GALNT17: variants seen among roughly 807,000 people sequenced by gnomAD.
GALNT17 encodes UDP-GalNAc:polypeptide N-acetylgalactosaminyltransferase-like 3.
A neutral mutation model predicts 63.7 loss-of-function variants in GALNT17; 29 were observed. The observed-to-expected ratio is 0.46, with a 90% CI of 0.34 to 0.62. The LOEUF (loss-of-function observed/expected upper bound fraction) is 0.62, where lower values mean the gene tolerates loss of function less well. GALNT17 is among the 20% of genes least tolerant of loss of function. The probability of loss-of-function intolerance (pLI) is 0.01; values close to 1 mark genes in which losing one functional copy is unlikely to be tolerated. For synonymous variants in GALNT17, 305 were observed against 318.3 expected (o/e 0.96, Z 0.45); for missense variants, 603 against 799.6 (o/e 0.75, Z 2.97).
intron 1 of GALNT17, among the ~76,000 whole-genome samples, chr7:71,265,118 ATTTT>A (rs60738546): frequency 1.6e-4 from 6 of 37,454 alleles, no homozygotes; most frequent in African/African-American, 3.4e-4. Context: ...ATATATATAT[ATTTT>A]TTTTTTTTTT....
chr7:71,446,086 A>C (rs1269206897), intron 5 of GALNT17, among the ~76,000 whole-genome samples: 1 of 152,212 alleles, frequency 6.6e-6, no homozygotes. Flanking sequence ...GCTGGCAGCC[A>C]TGAAATTAGA....
At chr7:71,572,132 C>T (rs1212963268) in intron 6 of GALNT17, among the ~76,000 whole-genome samples, 1 of 151,622 alleles carries the variant, frequency 6.6e-6, no homozygotes, top group African/African-American at 2.4e-5. Context: ...ATCCCAGTGA[C>T]TTGGGAAGCC....
chr7:71,134,407 G>A (rs1787743983), intron 1 of GALNT17, among the ~76,000 whole-genome samples: 1 of 152,220 alleles, frequency 6.6e-6, no homozygotes, highest in African/African-American at 2.4e-5. Flanking sequence ...CAGGGAGAAG[G>A]AGGATGGCAA....
At chr7:71,373,616 CAGAT>C (rs56979905) in intron 2 of GALNT17, among the ~76,000 whole-genome samples, 2,895 of 152,256 alleles carry the variant, frequency 0.019, 102 homozygotes, top group African/African-American at 0.065. Context: ...TGGCTCCTGT[CAGAT>C]CAGCGGCAGC....
At chr7:71,539,097 A>G (rs138319702) in intron 5 of GALNT17, among the ~76,000 whole-genome samples, 9 of 152,124 alleles carry the variant, frequency 5.9e-5, no homozygotes, top group Non-Finnish European at 1.2e-4. Context: ...TGCTCAACTA[A>G]TTTTTGTATT....
chr7:71,174,295 G>A (rs2116293936), intron 1 of GALNT17, among the ~76,000 whole-genome samples: 1 of 152,278 alleles, frequency 6.6e-6, no homozygotes, highest in East Asian at 1.9e-4. Context: ...AGAAGCCGGG[G>A]GGAGTTCCTC....
At chr7:71,476,175 C>T (rs941757461) in intron 5 of GALNT17, among the ~76,000 whole-genome samples, 2 of 152,144 alleles carry the variant, frequency 1.3e-5, no homozygotes, top group Non-Finnish European at 1.5e-5. Context: ...TGGGAACACC[C>T]AGGAGTTCAA....
intron 1 of GALNT17, among the ~76,000 whole-genome samples, chr7:71,165,722 G>A (rs1273305096): frequency 1.3e-5 from 2 of 152,158 alleles, no homozygotes; most frequent in African/African-American, 2.4e-5. Flanking sequence ...ATTTTCCTTT[G>A]TATTGCAAAT....
chr7:71,622,027 C>T lies in GALNT17; in HGVS notation c.1081-43384C>T, dbSNP rs532514968. Among the ~76,000 whole-genome samples the T allele has an allele frequency of 2.0e-5, 3 of 152,298 alleles. No individual in the cohort carries two copies. In the East Asian group the frequency reaches 5.8e-4, roughly 29 times the overall value. On this transcript the variant is annotated intron_variant, in intron 6 of 10. Transcript: ENST00000333538. ...CCAGTAAACCTTACACCATAATCTA[C>T]CCAACTCCTTTGCTGTGAGAGACTT... is the stretch of plus-strand genomic sequence containing the variant.
chr7:71,538,469 G>A (rs1163188657), intron 5 of GALNT17, among the ~76,000 whole-genome samples: 2 of 152,142 alleles, frequency 1.3e-5, no homozygotes, highest in East Asian at 1.9e-4. Flanking sequence ...GACGGGACGC[G>A]ACAGATTACA....
chr7:71,329,642 G>A (rs1791768232), intron 1 of GALNT17, among the ~76,000 whole-genome samples: 1 of 151,982 alleles, frequency 6.6e-6, no homozygotes, highest in Non-Finnish European at 1.5e-5. Context: ...TCTTCACATG[G>A]ACAGAGCCAG....
At chr7:71,133,095 G>A (rs1787716740) in intron 1 of GALNT17, 55 bp downstream of exon 1, 2 of 1,425,250 alleles carry the variant, frequency 1.4e-6, no homozygotes, top group South Asian at 1.4e-5. Context: ...CGGGCACAGG[G>A]TGAGCCCCAG....
intron 8 of GALNT17, 131 bp from the exon 9 acceptor site, chr7:71,677,080 T>C: frequency 1.2e-6 from 1 of 864,934 alleles, no homozygotes; most frequent in Non-Finnish European, 2.0e-6. Flanking sequence ...ATTTGAGCCC[T>C]GGTCCTCACT....
At chr7:71,544,124 CTTTTTTT>C (rs60144462) in intron 5 of GALNT17, among the ~76,000 whole-genome samples, 16 of 132,438 alleles carry the variant, frequency 1.2e-4, no homozygotes, top group South Asian at 5.0e-4. Context: ...TTTCTTTTTT[CTTTTTTT>C]TTTTTTTTTT....
intron 1 of GALNT17, among the ~76,000 whole-genome samples, chr7:71,307,254 A>T (rs1420653859): frequency 6.6e-6 from 1 of 152,136 alleles, no homozygotes; most frequent in Non-Finnish European, 1.5e-5. Flanking sequence ...CATTCCCATC[A>T]GCCGTGCACA....
At chr7:71,211,917 A>G (rs1789384783) in intron 1 of GALNT17, among the ~76,000 whole-genome samples, 1 of 152,232 alleles carries the variant, frequency 6.6e-6, no homozygotes, top group Non-Finnish European at 1.5e-5. Flanking sequence ...TAAGGGAAAC[A>G]GAGCATAAAA....
At chr7:71,698,123 C>CA (rs10708106) in intron 9 of GALNT17, among the ~76,000 whole-genome samples, 45,630 of 107,426 alleles carry the variant, frequency 0.42, 9,414 homozygotes, top group East Asian at 0.92. Context: ...GACTCTGTCT[C>CA]AAAAAAAAAA....
intron 1 of GALNT17, among the ~76,000 whole-genome samples, chr7:71,154,391 C>T (rs60402344): frequency 0.33 from 50,616 of 151,958 alleles, 8,833 homozygotes; most frequent in Middle Eastern, 0.38. Context: ...CCCCAAGCCT[C>T]GCTCAAATCG....
intron 1 of GALNT17, among the ~76,000 whole-genome samples, chr7:71,304,520 A>C (rs1006973735): frequency 2.6e-5 from 4 of 152,144 alleles, no homozygotes; most frequent in Non-Finnish European, 4.4e-5. Context: ...TTTGTTAAGA[A>C]ACACTCCAAG....
Sources: allele counts gnomAD v4.1 joint callset (sites outside exome capture counted in the v4.1 genomes callset), GRCh38; gene constraint gnomAD v4.1.1; transcripts MANE v1.5; gene names NCBI Gene and HGNC (gene_info 2026-07-23, HGNC 2026-07-21).